The following SCAND3 variants were observed in gnomAD, a reference collection of about 807,000 sequenced individuals.
SCAND3 encodes SCAN domain-containing protein 3.
At chr6:28,571,794 T>C in the SCAND3 span, 1 of 1,329,732 alleles carries the variant, frequency 7.5e-7, no homozygotes, top group Non-Finnish European at 9.9e-7. Context: ...TCATAACTTC[T>C]CATACTTCCA....
At chr6:28,601,170 G>A in the SCAND3 span, among the ~76,000 whole-genome samples, 2,699 of 152,186 alleles carry the variant, frequency 0.018, 74 homozygotes, top group African/African-American at 0.054. Context: ...CTCCCAATGT[G>A]CTGGGATTAC....
chr6:28,610,146 G>A, the SCAND3 span, among the ~76,000 whole-genome samples: 1 of 152,124 alleles, frequency 6.6e-6, no homozygotes, highest in African/African-American at 2.4e-5. Flanking sequence ...ATGGCTTAAA[G>A]CCAGTAAGGC....
At chr6:28,594,045 CT>C in the SCAND3 span, among the ~76,000 whole-genome samples, 2 of 152,062 alleles carry the variant, frequency 1.3e-5, no homozygotes, top group African/African-American at 2.4e-5. Flanking sequence ...TTGACAAAAT[CT>C]TTTTTATAAA....
the SCAND3 span, among the ~76,000 whole-genome samples, chr6:28,583,740 A>G: frequency 2.0e-5 from 3 of 152,360 alleles, no homozygotes; most frequent in East Asian, 3.9e-4. Context: ...TACTTGAAGC[A>G]GAAGATAACT....
the SCAND3 span, chr6:28,572,489 CAACTTT>C: frequency 1.2e-6 from 2 of 1,613,338 alleles, no homozygotes; most frequent in Admixed American, 1.7e-5. This position sits in a 1 kb window ranked among gnomAD's most constrained non-coding sequence, Gnocchi z 4.1. Flanking sequence ...TTTTGTCCTT[CAACTTT>C]ATCTGCCATT....
chr6:28,580,016 T>C, the SCAND3 span, among the ~76,000 whole-genome samples: 1 of 152,204 alleles, frequency 6.6e-6, no homozygotes. Context: ...AAATTGCACA[T>C]AAACCAGAAT....
chr6:28,595,089 G>A, the SCAND3 span, among the ~76,000 whole-genome samples: 3 of 150,008 alleles, frequency 2.0e-5, no homozygotes, highest in Non-Finnish European at 4.4e-5. Context: ...GGCCAGAAGC[G>A]GTAATCCCAC....
chr6:28,575,478 T>C, the SCAND3 span: 1 of 1,613,972 alleles, frequency 6.2e-7, no homozygotes, highest in Non-Finnish European at 8.5e-7. The surrounding 1 kb of genome is among the most constrained non-coding windows in gnomAD (Gnocchi z 4.2). Flanking sequence ...TTTTAGACTT[T>C]AATGACCGCA....
At chr6:28,604,538 C>A in the SCAND3 span, among the ~76,000 whole-genome samples, 1 of 151,648 alleles carries the variant, frequency 6.6e-6, no homozygotes, top group Non-Finnish European at 1.5e-5. Context: ...ATTGCTTGAG[C>A]CCGGGACGCA....
the SCAND3 span, chr6:28,589,511 C>T: frequency 3.3e-5 from 5 of 152,184 alleles, no homozygotes; most frequent in Non-Finnish European, 5.9e-5. Context: ...AAATTCGTTC[C>T]TCCGCTTCCC....
At chr6:28,605,437 T>C in the SCAND3 span, among the ~76,000 whole-genome samples, 4 of 151,892 alleles carry the variant, frequency 2.6e-5, no homozygotes, top group Admixed American at 1.3e-4. Context: ...GACTGAAAAA[T>C]ATATAAGCAC....
the SCAND3 span, chr6:28,586,776 G>C: frequency 6.9e-7 from 1 of 1,441,404 alleles, no homozygotes; most frequent in Non-Finnish European, 9.4e-7. This position sits in a 1 kb window ranked among gnomAD's most constrained non-coding sequence, Gnocchi z 4.4. Context: ...GCAAATGGGT[G>C]ATTTTACTTG....
At chr6:28,575,525 A>G in the SCAND3 span, 3 of 1,613,714 alleles carry the variant, frequency 1.9e-6, no homozygotes, top group East Asian at 4.5e-5. This position sits in a 1 kb window ranked among gnomAD's most constrained non-coding sequence, Gnocchi z 4.2. Flanking sequence ...TGATAATGCA[A>G]AATAAATCTG....
At chr6:28,573,090 A>G in the SCAND3 span, 1 of 1,608,140 alleles carries the variant, frequency 6.2e-7, no homozygotes, top group Admixed American at 1.7e-5. Context: ...AAGAGGCTGA[A>G]AAAAAGAACT....
chr6:28,570,824 C>A, the SCAND3 span: 1 of 152,146 alleles, frequency 6.6e-6, no homozygotes, highest in Non-Finnish European at 1.5e-5. Flanking sequence ...TAAATGAGTT[C>A]ACAGACACAA....
the SCAND3 span, among the ~76,000 whole-genome samples, chr6:28,595,542 C>T: frequency 6.6e-6 from 1 of 151,410 alleles, no homozygotes; most frequent in African/African-American, 2.4e-5. Flanking sequence ...GCCAACATGG[C>T]GAGACCCCGT....
chr6:28,598,519 T>C, the SCAND3 span, among the ~76,000 whole-genome samples: 1 of 151,964 alleles, frequency 6.6e-6, no homozygotes, highest in Non-Finnish European at 1.5e-5. Flanking sequence ...AAAACTGACC[T>C]GGGTTAGAGG....
the SCAND3 span, among the ~76,000 whole-genome samples, chr6:28,600,433 G>A: frequency 1.3e-5 from 2 of 152,176 alleles, no homozygotes; most frequent in Non-Finnish European, 2.9e-5. Context: ...AGGAGTTCGA[G>A]ACCAGCCTGG....
the SCAND3 span, chr6:28,575,566 A>C: frequency 6.2e-7 from 1 of 1,614,010 alleles, no homozygotes; most frequent in Non-Finnish European, 8.5e-7. The surrounding 1 kb of genome is among the most constrained non-coding windows in gnomAD (Gnocchi z 4.2). Flanking sequence ...CTGCATGTCT[A>C]TAAGATCTAC....
Sources: allele counts gnomAD v4.1 joint callset (sites outside exome capture counted in the v4.1 genomes callset), GRCh38; gene constraint gnomAD v4.1.1; non-coding constraint Gnocchi (gnomAD v3.1); transcripts MANE v1.5; gene names NCBI Gene and HGNC (gene_info 2026-07-23, HGNC 2026-07-21).